LAMA2: variants seen among roughly 807,000 people sequenced by gnomAD.
LAMA2 encodes laminin subunit alpha-2.
Under a neutral mutation model 364.8 loss-of-function variants are expected in LAMA2, and 269 were observed. The ratio of observed to expected loss-of-function variants is 0.74; its 90% CI spans 0.67 to 0.82. LAMA2 has a LOEUF of 0.82. Ranked by LOEUF, LAMA2 falls within the 40% of genes least tolerant of loss-of-function variation. LAMA2 has a pLI of 0.00. For missense variants in LAMA2, 3,807 were observed against 3,873.2 expected (o/e 0.98, Z 0.45); for synonymous variants, 1,379 against 1,370.6 (o/e 1.01, Z -0.14).
chr6:129,112,361 T>C (rs1776207365), intron 4 of LAMA2, among the ~76,000 whole-genome samples: 1 of 152,016 alleles, frequency 6.6e-6, no homozygotes, highest in Admixed American at 6.6e-5. Context: ...TCCATTTATC[T>C]CATAGAAAGA....
intron 41 of LAMA2, among the ~76,000 whole-genome samples, chr6:129,433,876 T>C (rs1315633663): frequency 6.6e-6 from 1 of 152,194 alleles, no homozygotes; most frequent in Non-Finnish European, 1.5e-5. Context: ...ACTTACTGCC[T>C]ATGGTAAATC....
At chr6:129,496,530 A>G (rs1785206822) in intron 58 of LAMA2, among the ~76,000 whole-genome samples, 1 of 152,178 alleles carries the variant, frequency 6.6e-6, no homozygotes, top group African/African-American at 2.4e-5. Flanking sequence ...GATTTTTTAG[A>G]ACTTTCCATC....
intron 43 of LAMA2, 29 bp downstream of exon 43, chr6:129,441,027 G>A: frequency 6.3e-7 from 1 of 1,579,422 alleles, no homozygotes; most frequent in African/African-American, 1.3e-5. Context: ...TTGTGATGAT[G>A]TCATTTATTT....
At chr6:129,129,715 G>C (rs1399494860) in intron 4 of LAMA2, among the ~76,000 whole-genome samples, 1 of 151,928 alleles carries the variant, frequency 6.6e-6, no homozygotes, top group Non-Finnish European at 1.5e-5. Context: ...ACGAGGTCAG[G>C]AGATCGAGAC....
intron 62 of LAMA2, among the ~76,000 whole-genome samples, chr6:129,510,603 A>T (rs113776173): frequency 2.0e-5 from 3 of 152,174 alleles, no homozygotes; most frequent in Non-Finnish European, 2.9e-5. Flanking sequence ...AGAATATATT[A>T]TCAACTGGTA....
At chr6:129,497,982 G>A (rs1785324025) in intron 58 of LAMA2, among the ~76,000 whole-genome samples, 1 of 152,134 alleles carries the variant, frequency 6.6e-6, no homozygotes, top group Admixed American at 6.5e-5. Flanking sequence ...GAGGATGGCA[G>A]GAGGTAGAGG....
intron 1 of LAMA2, among the ~76,000 whole-genome samples, chr6:129,012,649 A>G (rs1784834654): frequency 6.6e-6 from 1 of 152,192 alleles, no homozygotes; most frequent in African/African-American, 2.4e-5. Flanking sequence ...AATATTCTGT[A>G]TCTTTTTTCT....
chr6:129,391,487 G>T lies in LAMA2; in HGVS notation c.5072-4G>T. 1 of 1,612,650 alleles carries T rather than the reference G, an allele frequency of 6.2e-7. No individual in the cohort carries two copies. The highest frequency in any genetic ancestry group is 1.1e-5 in the South Asian group (1 of 91,054). ...ATTTACAAAATTTGTTTTACCCCCT[G>T]CAGCTGTAAATGAAAAAGCTATAAA... On this transcript the variant is annotated splice_region_variant and splice_polypyrimidine_tract_variant and intron_variant, in intron 35 of 64. Coordinates refer to ENST00000421865, the MANE Select transcript of LAMA2 (RefSeq NM_000426.4).
chr6:129,274,358 G>A (rs780474422), intron 17 of LAMA2, among the ~76,000 whole-genome samples: 18 of 151,520 alleles, frequency 1.2e-4, no homozygotes, highest in Non-Finnish European at 2.4e-4. Flanking sequence ...TCTGAGATAT[G>A]AATTGAATAT....
At chr6:128,897,951 C>T (rs897273963) in intron 1 of LAMA2, among the ~76,000 whole-genome samples, 5 of 152,222 alleles carry the variant, frequency 3.3e-5, no homozygotes, top group African/African-American at 9.6e-5. Flanking sequence ...CCTAGATTCA[C>T]ACCTTGCTGG....
intron 3 of LAMA2, among the ~76,000 whole-genome samples, chr6:129,094,491 C>A (rs1372920917): frequency 6.6e-6 from 1 of 152,114 alleles, no homozygotes; most frequent in Admixed American, 6.5e-5. Context: ...ATCTATTATT[C>A]CAGAGCCAAC....
intron 1 of LAMA2, among the ~76,000 whole-genome samples, chr6:128,910,227 A>G (rs140260538): frequency 1.3e-5 from 2 of 151,570 alleles, no homozygotes; most frequent in African/African-American, 4.9e-5. Context: ...TATCCTGCAG[A>G]GTGTTTTCCA....
chr6:128,889,277 C>T (rs972682885), intron 1 of LAMA2, among the ~76,000 whole-genome samples: 6 of 152,052 alleles, frequency 3.9e-5, no homozygotes, highest in Admixed American at 2.6e-4. Context: ...CAATCTCAGA[C>T]GCTAAAGTTT....
intron 51 of LAMA2, among the ~76,000 whole-genome samples, chr6:129,470,937 T>C (rs989512012): frequency 6.6e-6 from 1 of 151,814 alleles, no homozygotes; most frequent in Admixed American, 6.6e-5. Flanking sequence ...GTGTGCCCTA[T>C]CCCCTAAATG....
At chr6:129,315,379 T>C in intron 24 of LAMA2, 97 bp from the exon 25 acceptor site, 1 of 1,012,160 alleles carries the variant, frequency 9.9e-7, no homozygotes, top group Non-Finnish European at 1.5e-6. Context: ...TCAGAATGGG[T>C]ATAGGAACTG....
chr6:128,901,579 G>A (rs1777085892), intron 1 of LAMA2, among the ~76,000 whole-genome samples: 1 of 152,190 alleles, frequency 6.6e-6, no homozygotes, highest in African/African-American at 2.4e-5. Context: ...TGAAGCATAT[G>A]ACACCAGCAT....
intron 1 of LAMA2, among the ~76,000 whole-genome samples, chr6:128,969,071 C>T (rs1401518759): frequency 6.6e-6 from 1 of 152,090 alleles, no homozygotes; most frequent in Non-Finnish European, 1.5e-5. Flanking sequence ...TCCTCAGTTA[C>T]TCTTATTTAC....
In LAMA2 at chr6:129,460,338, A is replaced by G; in HGVS notation, c.6992+14A>G. The G allele has an allele frequency of 6.2e-7, 1 of 1,611,294 alleles. No individual in the cohort carries two copies. Among genetic ancestry groups the G allele is most frequent in the Non-Finnish European group, 8.5e-7 (1 of 1,177,900 alleles). ...ATGCACTGTCAGGTTAGTTGAGATG[A>G]GAACTCTCCCAGGGTCTGTCCTGTG... On this transcript the variant is annotated intron_variant, in intron 49 of 64. Coordinates refer to ENST00000421865, the MANE Select transcript of LAMA2 (RefSeq NM_000426.4).
At chr6:129,402,586 C>A in intron 39 of LAMA2, 99 bp downstream of exon 39, 1 of 1,234,850 alleles carries the variant, frequency 8.1e-7, no homozygotes, top group Non-Finnish European at 1.2e-6. Context: ...ATCCTGATTT[C>A]TGTTAATTAT....
Sources: allele counts gnomAD v4.1 joint callset (sites outside exome capture counted in the v4.1 genomes callset), GRCh38; gene constraint gnomAD v4.1.1; transcripts MANE v1.5; gene names NCBI Gene and HGNC (gene_info 2026-07-23, HGNC 2026-07-21).